Variants in KCNH5 observed in about 807,000 individuals in gnomAD.
The protein encoded by KCNH5 is potassium voltage-gated channel subfamily H member 5, also known as voltage-gated delayed rectifier potassium channel KCNH5.
KCNH5 carries 46 observed loss-of-function variants against 96.1 expected under a neutral mutation model. The ratio of observed to expected loss-of-function variants is 0.48; its 90% CI spans 0.38 to 0.61. The LOEUF (loss-of-function observed/expected upper bound fraction) is 0.61. Among genes scored for constraint, KCNH5 ranks in the 20% least tolerant of loss-of-function variants. The probability of loss-of-function intolerance (pLI) is 0.00; values close to 1 mark genes in which losing one functional copy is unlikely to be tolerated. For synonymous variants in KCNH5, 439 were observed against 449.8 expected (o/e 0.98, Z 0.30); for missense variants, 907 against 1,225.8 (o/e 0.74, Z 3.88).
intron 8 of KCNH5, among the ~76,000 whole-genome samples, chr14:62,840,716 C>T (rs533537077): frequency 8.6e-5 from 13 of 151,140 alleles, no homozygotes; most frequent in South Asian, 4.2e-4. Flanking sequence ...ATTACAAGTA[C>T]GCGCCACCAC....
intron 7 of KCNH5, among the ~76,000 whole-genome samples, chr14:62,896,339 T>C (rs73276432): frequency 5.5e-4 from 83 of 152,272 alleles, no homozygotes; most frequent in African/African-American, 2.0e-3. Context: ...TTTCAGCAAA[T>C]TGCAGATAAC....
chr14:63,016,917 A>G lies in KCNH5; in HGVS notation c.111T>C (p.Asp37=), dbSNP rs888168430. Residue 37 remains aspartate, a synonymous_variant, in exon 2 of 11, where the codon GAT becomes GAC. Coordinates refer to ENST00000322893, the MANE Select transcript of KCNH5 (RefSeq NM_139318.5). ...SFLLGNAQIV[D]WPVVYSNDGF... ...CGTCATTACTATAAACTACAGGCCA[A>G]TCCACAATCTGGGCATTTCCCAGTA... is the stretch of plus-strand genomic sequence containing the variant. 11 of 1,605,936 alleles carry G rather than the reference A, an allele frequency of 6.8e-6. No individual in the cohort carries two copies. Among genetic ancestry groups the G allele is most frequent in the East Asian group, 4.5e-5 (2 of 44,638 alleles).
At chr14:62,910,165 C>A (rs1234826519) in intron 7 of KCNH5, among the ~76,000 whole-genome samples, 2 of 151,838 alleles carry the variant, frequency 1.3e-5, no homozygotes, top group Non-Finnish European at 2.9e-5. Context: ...CACACACACA[C>A]ACACACACAC....
chr14:62,812,109 G>A (rs746576196), intron 8 of KCNH5, among the ~76,000 whole-genome samples: 10 of 152,106 alleles, frequency 6.6e-5, no homozygotes, highest in South Asian at 2.1e-4. Context: ...ATTAAGCTAC[G>A]CTCCTTCGTG....
intron 10 of KCNH5, among the ~76,000 whole-genome samples, chr14:62,770,319 A>G (rs960264650): frequency 8.5e-5 from 13 of 152,254 alleles, no homozygotes; most frequent in Non-Finnish European, 1.6e-4. Flanking sequence ...AAAAAATGAC[A>G]TTTTGTGCTG....
At chr14:62,965,090 G>C (rs1890281053) in intron 6 of KCNH5, among the ~76,000 whole-genome samples, 1 of 152,128 alleles carries the variant, frequency 6.6e-6, no homozygotes, top group South Asian at 2.1e-4. Flanking sequence ...TAGAGAGAGA[G>C]AGGTGAATAG....
intron 8 of KCNH5, among the ~76,000 whole-genome samples, chr14:62,815,440 C>G (rs1483743730): frequency 6.6e-6 from 1 of 151,898 alleles, no homozygotes; most frequent in Non-Finnish European, 1.5e-5. Context: ...TGTAATATCT[C>G]AATTTTTTAA....
chr14:62,980,037 C>A (rs1890577247), intron 6 of KCNH5, among the ~76,000 whole-genome samples: 1 of 152,114 alleles, frequency 6.6e-6, no homozygotes, highest in Non-Finnish European at 1.5e-5. Context: ...TGAGGGAGAT[C>A]TCATGCGATC....
Position 63,004,693 on chromosome 14 carries a change from C to T in KCNH5, c.304+1673G>A, listed in dbSNP as rs1453468790. Among the ~76,000 whole-genome samples the T allele has an allele frequency of 4.6e-5, 7 of 152,352 alleles. No individual in the cohort carries two copies. The South Asian group carries it at 1.4e-3, about 32-fold the overall frequency. ...GATCATAGCTCACTGCAGCCTCGAACTCCTGGGCTCAAGCCATCCACCTGC... is the reference window on the plus strand; with the variant it reads ...GATCATAGCTCACTGCAGCCTCGAATTCCTGGGCTCAAGCCATCCACCTGC... On this transcript the variant is annotated intron_variant, in intron 3 of 10. Transcript: ENST00000322893.
intron 1 of KCNH5, among the ~76,000 whole-genome samples, chr14:63,044,274 AT>A: frequency 6.6e-6 from 1 of 152,348 alleles, no homozygotes; most frequent in South Asian, 2.1e-4. Flanking sequence ...AGGTCTTAAA[AT>A]GTGGAAATAT....
intron 10 of KCNH5, among the ~76,000 whole-genome samples, chr14:62,715,850 G>C (rs948103084): frequency 1.3e-5 from 2 of 152,122 alleles, no homozygotes; most frequent in African/African-American, 4.8e-5. Flanking sequence ...GAGGGACTGA[G>C]GGAGGGAGGA....
At chr14:62,873,731 C>T (rs761794637) in intron 7 of KCNH5, among the ~76,000 whole-genome samples, 23 of 152,000 alleles carry the variant, frequency 1.5e-4, no homozygotes, top group African/African-American at 2.4e-4. Context: ...TATTTTTCCC[C>T]GCAATGAAAG....
chr14:62,948,802 T>G (rs1201151640), intron 7 of KCNH5, among the ~76,000 whole-genome samples: 1 of 145,542 alleles, frequency 6.9e-6, no homozygotes, highest in Non-Finnish European at 1.5e-5. Context: ...ATCAAAAAGC[T>G]TATCCACCAT....
At chr14:62,861,382 A>C (rs575686669) in intron 7 of KCNH5, among the ~76,000 whole-genome samples, 5 of 151,600 alleles carry the variant, frequency 3.3e-5, no homozygotes, top group African/African-American at 1.2e-4. Flanking sequence ...CAATCCTCCC[A>C]CCTTAGCTTC....
At chr14:63,033,758 A>G (rs116532590) in intron 1 of KCNH5, among the ~76,000 whole-genome samples, 2,110 of 151,928 alleles carry the variant, frequency 0.014, 55 homozygotes, top group African/African-American at 0.049. Context: ...CATTGTTAAG[A>G]AGGTAGATAA....
intron 7 of KCNH5, among the ~76,000 whole-genome samples, chr14:62,899,702 C>T (rs537010392): frequency 6.0e-5 from 9 of 150,620 alleles, no homozygotes; most frequent in African/African-American, 1.7e-4. Context: ...GGCGTAGTGG[C>T]GGGCGCCTGT....
intron 7 of KCNH5, among the ~76,000 whole-genome samples, chr14:62,898,848 T>G (rs1168976389): frequency 6.6e-6 from 1 of 152,160 alleles, no homozygotes; most frequent in Non-Finnish European, 1.5e-5. Flanking sequence ...TATATGTAAT[T>G]ACTCATAATT....
chr14:63,018,780 A>G (rs1891374403), intron 1 of KCNH5, among the ~76,000 whole-genome samples: 1 of 152,106 alleles, frequency 6.6e-6, no homozygotes, highest in South Asian at 2.1e-4. Context: ...TGAAATCCCA[A>G]ATCTCTACAA....
intron 10 of KCNH5, among the ~76,000 whole-genome samples, chr14:62,738,340 A>G (rs1015157903): frequency 6.6e-6 from 1 of 152,106 alleles, no homozygotes; most frequent in Non-Finnish European, 1.5e-5. Flanking sequence ...TTCAGATTGC[A>G]GTTGACTGTG....
Sources: gnomAD v4.1 joint callset for allele counts (sites outside exome capture counted in the v4.1 genomes callset) on GRCh38, gnomAD v4.1.1 for gene constraint, MANE v1.5 for transcripts, NCBI Gene and HGNC (gene_info 2026-07-23, HGNC 2026-07-21) for gene names.